ZNF84: variants seen among roughly 807,000 people sequenced by gnomAD.
The protein encoded by ZNF84 is zinc finger protein HPF2.
ZNF84 carries 12 observed loss-of-function variants against 14.8 expected under a neutral mutation model. The ratio of observed to expected loss-of-function variants is 0.81; its 90% CI spans 0.52 to 1.31. The LOEUF is 1.31. Among genes scored for constraint, ZNF84 ranks in the 50% most tolerant of loss-of-function variants. The pLI is 0.00. For synonymous variants in ZNF84, 347 were observed against 291.1 expected (o/e 1.19, Z -1.96); for missense variants, 859 against 878.6 (o/e 0.98, Z 0.28).
rs1289996706 is a variant in ZNF84 at position 133,059,309 on chromosome 12, C to G, written c.*377C>G. On this transcript the variant is annotated 3_prime_UTR_variant, in exon 5 of 5. Transcript: ENST00000539354. ...GCAATATTTTTAAGAAATGACAGTT[C>G]ATTGTACATAAGAAAATGCTCTTAG... 4 of 317,046 alleles carry G rather than the reference C, an allele frequency of 1.3e-5. No homozygotes were observed. Among genetic ancestry groups the G allele is most frequent in the Non-Finnish European group, 2.3e-5 (4 of 174,552 alleles). The allele number at this position is 317,046 out of a possible 1,614,324, so 19.6% of individuals were successfully genotyped here. A position where few individuals can be genotyped will look rare whatever the true frequency, so the allele number is the denominator to read the frequency against.
intron 4 of ZNF84, among the ~76,000 whole-genome samples, chr12:133,049,348 C>T (rs1044187673): frequency 3.7e-4 from 56 of 152,262 alleles, no homozygotes; most frequent in Middle Eastern, 6.8e-3. Context: ...CCAATCTGTT[C>T]AGTCTCATTA....
Position 133,059,207 on chromosome 12 carries a change from C to T in ZNF84, c.*275C>T, listed in dbSNP as rs1954215797. On this transcript the variant is annotated 3_prime_UTR_variant, in exon 5 of 5. Coordinates refer to ENST00000539354, the MANE Select transcript of ZNF84 (RefSeq NM_001289971.2). ...ATCCTGTGAATGTCCAAAAGCCTTC[C>T]AGAAGTCAAGTCTCTTAAGCTATTA... 1 of 409,638 alleles carries T rather than the reference C, an allele frequency of 2.4e-6. No individual in the cohort carries two copies. The highest frequency in any genetic ancestry group is 4.3e-6 in the Non-Finnish European group (1 of 232,106). 25.4% of individuals were successfully genotyped at this position (409,638 alleles called of 1,614,324 possible).
chr12:133,055,558 C>T (rs1264797907), intron 4 of ZNF84, among the ~76,000 whole-genome samples: 3 of 151,786 alleles, frequency 2.0e-5, no homozygotes, highest in African/African-American at 7.3e-5. Context: ...TAAATTTAGA[C>T]ACAGAAATTC....
At chr12:133,047,793 G>T in intron 2 of ZNF84, 162 bp from the exon 3 acceptor site, 1 of 686,832 alleles carries the variant, frequency 1.5e-6, no homozygotes, top group Non-Finnish European at 2.4e-6. Context: ...AAGGATGGAA[G>T]AATGCACAAT....
chr12:133,058,281 A>G lies in ZNF84; in HGVS notation c.1566A>G (p.Lys522=). ...CATATGTATGCAGTGAATGTGGGAA[A>G]GCCTTTTGTCAGAAGTCACATCTCA... The part of the protein sequence containing the change: ...EKPYVCSECG[K]AFCQKSHLIS... The change falls in exon 5 of 5, where the codon AAA becomes AAG. Residue 522 remains lysine, a synonymous_variant. Coordinates refer to ENST00000539354, the MANE Select transcript of ZNF84 (RefSeq NM_001289971.2). The G allele has an allele frequency of 6.2e-7, 1 of 1,613,976 alleles. No individual in the cohort carries two copies. Among genetic ancestry groups the G allele is most frequent in the Non-Finnish European group, 8.5e-7 (1 of 1,179,988 alleles).
rs919786320 is a variant in ZNF84 at position 133,061,487 on chromosome 12, C to G, written c.*2555C>G. ...CAAAAAAAGAAAAGAAAAAGAACTT[C>G]CTACTTTTTAATATCTCAAATTCAT... On this transcript the variant is annotated 3_prime_UTR_variant, in exon 5 of 5. Transcript: ENST00000539354. 2 of 152,124 alleles carry G rather than the reference C, an allele frequency of 1.3e-5. No individual in the cohort carries two copies. 9.4% of individuals were successfully genotyped at this position (152,124 alleles called of 1,614,324 possible).
intron 4 of ZNF84, among the ~76,000 whole-genome samples, chr12:133,050,087 A>T (rs1258998382): frequency 2.0e-5 from 3 of 152,180 alleles, no homozygotes; most frequent in Non-Finnish European, 4.4e-5. Flanking sequence ...TCAGATACTT[A>T]TGTGAGTGTA....
intron 2 of ZNF84, chr12:133,047,503 G>A (rs975014598): frequency 4.6e-4 from 70 of 153,756 alleles, no homozygotes; most frequent in South Asian, 6.1e-4. Flanking sequence ...ATTATGTGAT[G>A]CACCTCATTT....
At chr12:133,045,884 A>G (rs922559671) in intron 2 of ZNF84, among the ~76,000 whole-genome samples, 23 of 152,024 alleles carry the variant, frequency 1.5e-4, no homozygotes, top group African/African-American at 4.3e-4. Context: ...TGGGACTCCT[A>G]TGACACTCAC....
In ZNF84 at chr12:133,058,403, G is replaced by T; in HGVS notation, c.1688G>T (p.Arg563Ile). The change falls in exon 5 of 5, where the codon AGA (arginine) becomes ATA (isoleucine). Residue 563 changes from arginine to isoleucine, a missense_variant. Arg to Ile is a moderately conservative substitution (Grantham distance 97). Coordinates refer to ENST00000539354, the MANE Select transcript of ZNF84 (RefSeq NM_001289971.2). ...GEKSSLATHQ[R>I]THTGEKPYEC... ...AAGTCAAGTCTTGCAACTCATCAGAGAACTCATACTGGAGAAAAACCGTAT... is the reference window on the plus strand; with the variant it reads ...AAGTCAAGTCTTGCAACTCATCAGATAACTCATACTGGAGAAAAACCGTAT... The T allele has an allele frequency of 6.2e-7, 1 of 1,614,094 alleles. No individual in the cohort carries two copies. Among genetic ancestry groups the T allele is most frequent in the Non-Finnish European group, 8.5e-7 (1 of 1,180,014 alleles).
intron 4 of ZNF84, among the ~76,000 whole-genome samples, chr12:133,051,164 T>G (rs1367681764): frequency 6.6e-6 from 1 of 151,936 alleles, no homozygotes; most frequent in Non-Finnish European, 1.5e-5. Context: ...GAGAAACTTC[T>G]TGTTGTTTTT....
chr12:133,043,707 C>T (rs1027509123), intron 2 of ZNF84, among the ~76,000 whole-genome samples: 12 of 152,082 alleles, frequency 7.9e-5, no homozygotes, highest in South Asian at 4.1e-4. Context: ...CATGGAAATA[C>T]GCAATATTTT....
At chr12:133,050,672 T>G (rs1181666475) in intron 4 of ZNF84, 1 of 397,230 alleles carries the variant, frequency 2.5e-6, no homozygotes, top group African/African-American at 2.1e-5. Flanking sequence ...TACCTAGAAA[T>G]TCTTAATCCT....
chr12:133,043,268 C>T (rs1354144055), intron 2 of ZNF84, among the ~76,000 whole-genome samples: 1 of 152,120 alleles, frequency 6.6e-6, no homozygotes, highest in Non-Finnish European at 1.5e-5. Flanking sequence ...ACCTCTGCCT[C>T]TAGGGTTCAA....
chr12:133,058,535 C>CT lies in ZNF84; in HGVS notation c.1827dup (p.Glu610Ter), dbSNP rs1289064075. ...TATGAATGCAGTCTTTGTAGGAAAG[C>CT]TTTTTTTGAGAAGTCGGAGCTAATT... On this transcript the variant is annotated frameshift_variant, in exon 5 of 5. Transcript: ENST00000539354. LOFTEE classifies it low-confidence loss of function (END_TRUNC). 2 of 1,613,864 alleles carry CT rather than the reference C, an allele frequency of 1.2e-6. No individual in the cohort carries two copies. Among genetic ancestry groups the CT allele is most frequent in the South Asian group, 1.1e-5 (1 of 91,078 alleles).
intron 1 of ZNF84, chr12:133,040,586 AAAAAG>A (rs1302261790): frequency 6.6e-6 from 1 of 151,870 alleles, no homozygotes; most frequent in Non-Finnish European, 1.5e-5. Context: ...AAAAAAAAAA[AAAAAG>A]AATGCTGATG....
rs1257328440 is a variant in ZNF84, at chr12:133,060,006, TAACTG to T, written c.*1077_*1081del. 1 of 152,142 alleles carries T rather than the reference TAACTG, an allele frequency of 6.6e-6. No homozygotes were observed. Among genetic ancestry groups the T allele is most frequent in the African/African-American group, 2.4e-5 (1 of 41,426 alleles). The allele number at this position is 152,142 out of a possible 1,614,324, so 9.4% of individuals were successfully genotyped here. ...ACCACAGAATAACCATAGTAATATA[TAACTG>T]AATGAGCAAAATAAAGGTGTGTGAA... On this transcript the variant is annotated 3_prime_UTR_variant, in exon 5 of 5. Transcript: ENST00000539354.
chr12:133,038,840 T>C (rs1953836007), intron 1 of ZNF84: 1 of 152,218 alleles, frequency 6.6e-6, no homozygotes, highest in Non-Finnish European at 1.5e-5. Flanking sequence ...ATTTTATTTT[T>C]TTGTTATTTT....
intron 4 of ZNF84, among the ~76,000 whole-genome samples, chr12:133,053,823 A>G (rs1460792090): frequency 6.6e-6 from 1 of 152,086 alleles, no homozygotes; most frequent in East Asian, 1.9e-4. Context: ...CAATTCATAA[A>G]CACCATAATC....
Sources: allele counts gnomAD v4.1 joint callset (sites outside exome capture counted in the v4.1 genomes callset), GRCh38; gene constraint gnomAD v4.1.1; transcripts MANE v1.5; gene names NCBI Gene and HGNC (gene_info 2026-07-23, HGNC 2026-07-21).